Variants in ADAM2 observed in about 807,000 individuals in gnomAD.
The protein encoded by ADAM2 is disintegrin and metalloproteinase domain-containing protein 2.
Under a neutral mutation model 99.3 loss-of-function variants are expected in ADAM2, and 101 were observed. The ratio of observed to expected loss-of-function variants is 1.02; its 90% confidence interval spans 0.87 to 1.20. ADAM2 has a LOEUF of 1.20. ADAM2 is among the 50% of genes most tolerant of loss of function. ADAM2 has a pLI of 0.00. For missense variants in ADAM2, 948 were observed against 878.7 expected (o/e 1.08, Z -1.00); for synonymous variants, 323 against 287.6 (o/e 1.12, Z -1.25).
At chr8:39,797,303 G>GGA (rs1804002656) in intron 7 of ADAM2, among the ~76,000 whole-genome samples, 1 of 152,124 alleles carries the variant, frequency 6.6e-6, no homozygotes, top group Non-Finnish European at 1.5e-5. Flanking sequence ...TACTGAATCG[G>GGA]AGATCCTTTC....
At chr8:39,755,610 G>A (rs1050417198) in intron 16 of ADAM2, 118 bp downstream of exon 16, 1 of 683,378 alleles carries the variant, frequency 1.5e-6, no homozygotes. Flanking sequence ...GGTGGCAGAG[G>A]TTGCAGTGAG....
At chr8:39,749,557 A>G (rs1347165363) in intron 17 of ADAM2, 107 bp from the exon 18 acceptor site, 3 of 1,416,616 alleles carry the variant, frequency 2.1e-6, no homozygotes, top group Admixed American at 1.9e-5. Flanking sequence ...ATTTTCCTAT[A>G]TGTTTTGGTG....
At chr8:39,821,740 T>C (rs11776245) in intron 4 of ADAM2, 78 bp from the exon 5 acceptor site, 2 of 1,034,138 alleles carry the variant, frequency 1.9e-6, no homozygotes, top group Non-Finnish European at 2.9e-6. Context: ...AAAACATATA[T>C]GTGTTTTGTT....
chr8:39,765,674 C>G (rs1802541768), intron 14 of ADAM2, among the ~76,000 whole-genome samples: 1 of 152,182 alleles, frequency 6.6e-6, no homozygotes, highest in Admixed American at 6.5e-5. Flanking sequence ...ATCTGAAAAT[C>G]ATCCACATTG....
intron 10 of ADAM2, among the ~76,000 whole-genome samples, chr8:39,780,898 C>A (rs187765137): frequency 1.3e-5 from 2 of 152,074 alleles, no homozygotes; most frequent in South Asian, 4.2e-4. Context: ...AGAGAAAATG[C>A]GATCAAATAA....
At chr8:39,748,199 C>A (rs944605443) in intron 18 of ADAM2, among the ~76,000 whole-genome samples, 2 of 152,110 alleles carry the variant, frequency 1.3e-5, no homozygotes, top group Non-Finnish European at 2.9e-5. Flanking sequence ...GAAGTAAGGG[C>A]TGCAAAATAC....
chr8:39,771,202 C>T (rs1802767978), intron 11 of ADAM2, among the ~76,000 whole-genome samples: 3 of 152,208 alleles, frequency 2.0e-5, no homozygotes, highest in Admixed American at 2.0e-4. Flanking sequence ...GAAAACTATT[C>T]CTTAGTATGC....
intron 7 of ADAM2, among the ~76,000 whole-genome samples, chr8:39,801,747 C>G (rs946083348): frequency 1.3e-5 from 2 of 152,108 alleles, no homozygotes; most frequent in African/African-American, 4.8e-5. Context: ...GAAGCCCCAC[C>G]CACTGAGGAG....
intron 7 of ADAM2, among the ~76,000 whole-genome samples, chr8:39,801,722 T>A (rs1804221982): frequency 6.6e-6 from 1 of 151,660 alleles, no homozygotes. Context: ...CTGGAGTTAT[T>A]GGAGATGCTG....
chr8:39,804,488 G>A (rs1804354963), intron 7 of ADAM2, among the ~76,000 whole-genome samples: 1 of 151,996 alleles, frequency 6.6e-6, no homozygotes, highest in African/African-American at 2.4e-5. Context: ...ATATAAGAGG[G>A]AGTATTCAAA....
In ADAM2 at chr8:39,812,866, CTT is replaced by C. The variant is rs561978837; in HGVS notation, c.514-3402_514-3401del. On this transcript the variant is annotated intron_variant, in intron 6 of 20. Coordinates refer to ENST00000265708, the MANE Select transcript of ADAM2 (RefSeq NM_001464.5). ...TTCAGGACATAGGCATGGGCAAGGACTTCAGGACTAAAACACCAAAAGCAATG... is the reference window on the plus strand; with the variant it reads ...TTCAGGACATAGGCATGGGCAAGGACCAGGACTAAAACACCAAAAGCAATG... Among the ~76,000 whole-genome samples, 8 of 152,252 alleles carry C rather than the reference CTT, an allele frequency of 5.3e-5. No homozygotes were observed. The East Asian group carries it at 1.5e-3, about 29-fold the overall frequency.
At chr8:39,763,068 C>T (rs1802432841) in intron 14 of ADAM2, among the ~76,000 whole-genome samples, 1 of 152,148 alleles carries the variant, frequency 6.6e-6, no homozygotes, top group African/African-American at 2.4e-5. Context: ...GGTCACATCT[C>T]CGTTGGAGCT....
chr8:39,792,841 T>A (rs1803777750), intron 7 of ADAM2, among the ~76,000 whole-genome samples: 1 of 152,084 alleles, frequency 6.6e-6, no homozygotes, highest in South Asian at 2.1e-4. Flanking sequence ...AGCCCATACA[T>A]AGAAAATGCT....
At chr8:39,816,412 A>C (rs1745369062) in intron 6 of ADAM2, among the ~76,000 whole-genome samples, 1 of 152,242 alleles carries the variant, frequency 6.6e-6, no homozygotes, top group Non-Finnish European at 1.5e-5. Flanking sequence ...AGCCACTCAA[A>C]AGGTGAAACA....
intron 7 of ADAM2, among the ~76,000 whole-genome samples, chr8:39,794,732 T>G (rs1803867443): frequency 6.6e-6 from 1 of 152,014 alleles, no homozygotes; most frequent in South Asian, 2.1e-4. Flanking sequence ...GACCCTCTCA[T>G]GCACACCCCC....
At chr8:39,788,867 T>C in intron 7 of ADAM2, 127 bp from the exon 8 acceptor site, 1 of 494,304 alleles carries the variant, frequency 2.0e-6, no homozygotes, top group East Asian at 3.6e-5. Context: ...TATTAGTTTT[T>C]AGACATTATT....
chr8:39,787,467 T>C (rs1432311187), intron 9 of ADAM2, among the ~76,000 whole-genome samples: 1 of 151,440 alleles, frequency 6.6e-6, no homozygotes, highest in Non-Finnish European at 1.5e-5. Context: ...TGAAAAAGCA[T>C]GTCATATTTA....
At chr8:39,761,477 C>G (rs1261499345) in intron 14 of ADAM2, among the ~76,000 whole-genome samples, 196 bp from the exon 15 acceptor site, 1 of 152,178 alleles carries the variant, frequency 6.6e-6, no homozygotes, top group Non-Finnish European at 1.5e-5. Context: ...TGAAAGGACT[C>G]TGGTCTACTA....
Position 39,782,946 on chromosome 8 carries a change from A to G in ADAM2, c.891+4028T>C, listed in dbSNP as rs929061079. Among the ~76,000 whole-genome samples the G allele has an allele frequency of 1.4e-4, 21 of 152,044 alleles. 1 individual carries two copies. The highest frequency in any genetic ancestry group is 1.3e-3 in the Admixed American group (20 of 15,262). Reference sequence around the variant, plus strand: ...ACTCACCATCTATAATGCTTTTTGGAGATGGAGTTAGATCATCTACATTCA... The same window carrying G: ...ACTCACCATCTATAATGCTTTTTGGGGATGGAGTTAGATCATCTACATTCA... On this transcript the variant is annotated intron_variant, in intron 10 of 20. Transcript: ENST00000265708.
Sources: gnomAD v4.1 joint callset for allele counts (sites outside exome capture counted in the v4.1 genomes callset) on GRCh38, gnomAD v4.1.1 for gene constraint, MANE v1.5 for transcripts, NCBI Gene and HGNC (gene_info 2026-07-23, HGNC 2026-07-21) for gene names.